Variants in CEACAM19 observed in about 807,000 individuals in gnomAD.
The protein encoded by CEACAM19 is CEA cell adhesion molecule 19.
CEACAM19 carries 37 observed loss-of-function variants against 37.6 expected under a neutral mutation model. The ratio of observed to expected loss-of-function variants is 0.98; its 90% CI spans 0.76 to 1.29. The LOEUF (loss-of-function observed/expected upper bound fraction) is 1.29. CEACAM19 is among the 50% of genes most tolerant of loss of function. The probability of loss-of-function intolerance (pLI) is 0.00; values close to 1 mark genes in which losing one functional copy is unlikely to be tolerated. For missense variants in CEACAM19, 340 were observed against 375.6 expected, an observed-to-expected ratio of 0.91 and a Z score of 0.78; for synonymous variants, 140 against 149.8, an observed-to-expected ratio of 0.93 and a Z score of 0.48.
upstream of CEACAM19, among the ~76,000 whole-genome samples, chr19:44,667,821 A>AC (rs1973756420): frequency 1.3e-5 from 1 of 75,254 alleles, no homozygotes; most frequent in Non-Finnish European, 2.3e-5. Context: ...TATTATATAT[A>AC]AATTATATAT....
At chr19:44,680,198 C>G in intron 4 of CEACAM19, 90 bp from the exon 5 acceptor site, 1 of 1,054,152 alleles carries the variant, frequency 9.5e-7, no homozygotes, top group Non-Finnish European at 1.4e-6. Flanking sequence ...CTTTCAGGGA[C>G]CTGGTGGGAT....
upstream of CEACAM19, among the ~76,000 whole-genome samples, chr19:44,668,562 ATAT>A (rs1466375913): frequency 2.4e-4 from 12 of 50,390 alleles, no homozygotes; most frequent in Admixed American, 3.5e-4. Flanking sequence ...AATTATATAC[ATAT>A]TATATATGTA....
upstream of CEACAM19, among the ~76,000 whole-genome samples, chr19:44,668,755 A>C (rs1423620432): frequency 1.0e-5 from 1 of 99,432 alleles, no homozygotes; most frequent in Non-Finnish European, 1.8e-5. Flanking sequence ...ATAATATAAT[A>C]TAATATATAT....
rs1031326882 is a variant in CEACAM19 at position 44,671,641 on chromosome 19, G to A, written c.-291G>A. The stretch of plus-strand genomic sequence containing the variant: ...CTACAGTGACTGCTGTTGTAGTCAC[G>A]CTGAGTGAGAAAAAGAGGTTGAAGA... On this transcript the variant is annotated 5_prime_UTR_variant, in exon 1 of 8. Coordinates refer to ENST00000358777, the MANE Select transcript of CEACAM19 (RefSeq NM_001127893.3). 7 of 466,446 alleles carry A rather than the reference G, an allele frequency of 1.5e-5. No homozygotes were observed. Among genetic ancestry groups the A allele is most frequent in the Middle Eastern group, 5.5e-4 (1 of 1,824 alleles). The allele number at this position is 466,446 out of a possible 1,614,324, so 28.9% of individuals were successfully genotyped here.
rs749392380 is a variant in CEACAM19 at position 44,681,303 on chromosome 19, C to A, written c.783C>A (p.Asn261Lys). ...VSPISDTRSI[N>K]PARPLPTPPH... ...CCATCAGTGACACAAGGTCCATAAA[C>A]CCAGCCCGGGTGAGTCCCGTCCCCA... Residue 261 changes from asparagine (N) to lysine (K), a missense_variant, in exon 6 of 8, where the codon AAC becomes AAA. Coordinates refer to ENST00000358777, the MANE Select transcript of CEACAM19 (RefSeq NM_001127893.3). The A allele has an allele frequency of 5.0e-6, 8 of 1,613,368 alleles. No homozygotes were observed. The South Asian group carries it at 8.8e-5, about 18-fold the overall frequency.
intron 7 of CEACAM19, 99 bp from the exon 8 acceptor site, chr19:44,683,338 T>G: frequency 1.9e-6 from 1 of 527,088 alleles, no homozygotes; most frequent in Non-Finnish European, 3.5e-6. Context: ...CGGGTTTCTC[T>G]CCATCTCACG....
At chr19:44,683,192 G>C in intron 7 of CEACAM19, 1 of 410,032 alleles carries the variant, frequency 2.4e-6, no homozygotes, top group Non-Finnish European at 4.4e-6. Context: ...CTGCATCTCT[G>C]TCTCTCTCTC....
intron 3 of CEACAM19, 120 bp from the exon 4 acceptor site, chr19:44,678,733 C>A: frequency 7.1e-7 from 1 of 1,415,072 alleles, no homozygotes; most frequent in Non-Finnish European, 9.5e-7. Flanking sequence ...CTCAAAACCG[C>A]ACACACACCT....
At chr19:44,677,227 A>G (rs1372335662) in intron 3 of CEACAM19, among the ~76,000 whole-genome samples, 2 of 152,202 alleles carry the variant, frequency 1.3e-5, no homozygotes, top group African/African-American at 4.8e-5. Context: ...CACTGTGGCC[A>G]GGGGTTGGTG....
chr19:44,683,688 A>C lies in CEACAM19; in HGVS notation c.*198A>C. The stretch of plus-strand genomic sequence containing the variant: ...CTGTAACAGGCCCAGGTCCTTGTGC[A>C]GCCCGTGAATGCACGCCCGCCTTCG... On this transcript the variant is annotated 3_prime_UTR_variant, in exon 8 of 8. Transcript: ENST00000358777. The C allele has an allele frequency of 7.1e-6, 3 of 423,926 alleles. No homozygotes were observed. The South Asian group carries it at 2.1e-4, about 30-fold the overall frequency. The allele number at this position is 423,926 out of a possible 1,614,324, so 26.3% of individuals were successfully genotyped here.
chr19:44,679,736 G>A (rs1296389809), intron 4 of CEACAM19, among the ~76,000 whole-genome samples: 9 of 150,656 alleles, frequency 6.0e-5, no homozygotes, highest in South Asian at 4.2e-4. Flanking sequence ...GCGACAGAGC[G>A]AGACTCTGTC....
chr19:44,672,785 C>G lies in CEACAM19; in HGVS notation c.245C>G (p.Pro82Arg). The change falls in exon 2 of 8, where the codon CCT (proline) becomes CGT (arginine). Residue 82 changes from proline (P) to arginine (R), a missense_variant. Coordinates refer to ENST00000358777, the MANE Select transcript of CEACAM19 (RefSeq NM_001127893.3). ...YGGTRLFTYI[P>R]GIQRPQRDGS... ...GGCACGAGGCTATTTACCTACATCC[C>G]TGGGATACAACGGCCTCAGAGGGAT... The G allele has an allele frequency of 1.3e-6, 2 of 1,584,812 alleles. No individual in the cohort carries two copies. The highest frequency in any genetic ancestry group is 2.3e-5 in the South Asian group (2 of 86,494).
chr19:44,684,336 G>A lies in CEACAM19; in HGVS notation c.*846G>A, dbSNP rs1974120100. On this transcript the variant is annotated 3_prime_UTR_variant, in exon 8 of 8. Transcript: ENST00000358777. ...GTCACTTGGCAGGGGAAAGAATCAGGAAATAAAATAAATAATGAACATGCG... is the reference window on the plus strand; with the variant it reads ...GTCACTTGGCAGGGGAAAGAATCAGAAAATAAAATAAATAATGAACATGCG... 6.6e-6 allele frequency: 1 copy of A among 152,098 alleles called. No individual in the cohort carries two copies. The highest frequency in any genetic ancestry group is 2.4e-5 in the African/African-American group (1 of 41,402). 9.4% of individuals were successfully genotyped at this position (152,098 alleles called of 1,614,324 possible).
At chr19:44,680,947 G>A (rs907543845) in intron 5 of CEACAM19, among the ~76,000 whole-genome samples, 2 of 151,684 alleles carry the variant, frequency 1.3e-5, no homozygotes, top group African/African-American at 4.8e-5. Context: ...TAGGCACCCC[G>A]TCTTGGGCTC....
At chr19:44,667,513 A>G (rs2123780615), upstream of CEACAM19, among the ~76,000 whole-genome samples, 1 of 136,336 alleles carries the variant, frequency 7.3e-6, no homozygotes, top group East Asian at 2.0e-4. Context: ...ATACATTTAT[A>G]TATACATATT....
intron 2 of CEACAM19, 135 bp from the exon 3 acceptor site, chr19:44,676,136 A>G: frequency 1.1e-6 from 1 of 885,784 alleles, no homozygotes; most frequent in Non-Finnish European, 1.7e-6. Flanking sequence ...AAAGCAGGAG[A>G]AAGCTCTGGG....
chr19:44,675,868 G>A (rs547389743), intron 2 of CEACAM19, among the ~76,000 whole-genome samples: 59 of 152,110 alleles, frequency 3.9e-4, no homozygotes, highest in Admixed American at 1.6e-3. Context: ...GCTGAGGATC[G>A]TATGAAATCC....
intron 2 of CEACAM19, among the ~76,000 whole-genome samples, chr19:44,673,463 G>A (rs1973893350): frequency 6.6e-6 from 1 of 152,114 alleles, no homozygotes; most frequent in African/African-American, 2.4e-5. Context: ...CTGATGTTTT[G>A]TATTGGCCAG....
In CEACAM19 at chr19:44,683,358, A is replaced by T. The variant is rs1974098933; in HGVS notation, c.847-79A>T. 1.1e-5 allele frequency: 7 copies of T among 619,508 alleles called. 1 individual carries two copies. The East Asian group carries it at 2.0e-4, about 18-fold the overall frequency. 38.4% of individuals were successfully genotyped at this position (619,508 alleles called of 1,614,324 possible). ...TTCTCTCCATCTCACGCTGTCTCTC[A>T]TCCTCTGTCCCTCTCTGTCTCCCCA... is the stretch of plus-strand genomic sequence containing the variant. On this transcript the variant is annotated intron_variant, in intron 7 of 7. Coordinates refer to ENST00000358777, the MANE Select transcript of CEACAM19 (RefSeq NM_001127893.3).
Sources: gnomAD v4.1 joint callset for allele counts (sites outside exome capture counted in the v4.1 genomes callset) on GRCh38, gnomAD v4.1.1 for gene constraint, MANE v1.5 for transcripts, NCBI Gene and HGNC (gene_info 2026-07-23, HGNC 2026-07-21) for gene names.